SPG11: variants seen among roughly 807,000 people sequenced by gnomAD.
The protein encoded by SPG11 is spatacsin.
Under a neutral mutation model 274.0 loss-of-function variants are expected in SPG11, and 222 were observed. The ratio of observed to expected loss-of-function variants is 0.81; its 90% CI spans 0.73 to 0.91. The LOEUF (loss-of-function observed/expected upper bound fraction) is 0.91. Ranked by LOEUF, SPG11 falls within the 40% of genes least tolerant of loss-of-function variation. The pLI is 0.00. For missense variants in SPG11, 3,114 were observed against 2,872.7 expected (o/e 1.08, Z -1.92); for synonymous variants, 1,144 against 1,039.7 (o/e 1.10, Z -1.93).
In SPG11 at chr15:44,627,587, T is replaced by C. The variant is rs557089408; in HGVS notation, c.2068-1080A>G. On this transcript the variant is annotated intron_variant, in intron 10 of 39. Transcript: ENST00000261866. ...GGAGACAAAAAAGTAGAAGGAAAAG[T>C]AAGTAATTTTTTTTTTTTTTGAGAC... 2.6e-5 allele frequency among the ~76,000 whole-genome samples: 4 copies of C among 151,512 alleles called. No individual in the cohort carries two copies. The East Asian group carries it at 7.7e-4, about 29-fold the overall frequency.
At position 44,595,372 on chromosome 15, in the gene SPG11, C is replaced by A; in HGVS notation, c.4522G>T (p.Asp1508Tyr). 6.2e-7 allele frequency: 1 copy of A among 1,614,176 alleles called. No homozygotes were observed. The highest frequency in any genetic ancestry group is 8.5e-7 in the Non-Finnish European group (1 of 1,180,032). ...TTCCAGGTATGGTCCTCTGTTGAGT[C>A]CTGAATGTGTCCCATTGCTTCAGTT... Reference protein sequence around the residue: ...VATEAMGHIQDSTEDHTWNLE... With the variant: ...VATEAMGHIQYSTEDHTWNLE... The change falls in exon 26 of 40, where the codon GAC (aspartate) becomes TAC (tyrosine). Residue 1508 changes from aspartate (D) to tyrosine (Y), a missense_variant. Coordinates refer to ENST00000261866, the MANE Select transcript of SPG11 (RefSeq NM_025137.4).
chr15:44,662,546 T>G (rs1387771531), intron 1 of SPG11, among the ~76,000 whole-genome samples: 11 of 150,862 alleles, frequency 7.3e-5, no homozygotes, highest in Non-Finnish European at 1.6e-4. Flanking sequence ...TGCACGCCTG[T>G]AGTCGTAGCT....
intron 27 of SPG11, among the ~76,000 whole-genome samples, chr15:44,591,900 A>C (rs2082908081): frequency 2.0e-5 from 3 of 152,168 alleles, no homozygotes; most frequent in African/African-American, 7.2e-5. Flanking sequence ...ACTTGAGGTC[A>C]GGAGTTCAAG....
intron 11 of SPG11, 146 bp downstream of exon 11, chr15:44,626,183 CAG>C (rs1186928036): frequency 1.5e-6 from 1 of 679,972 alleles, no homozygotes; most frequent in Non-Finnish European, 2.3e-6. Context: ...CAGCCATTCT[CAG>C]TGTTATTAAT....
In SPG11 at chr15:44,624,772, T is replaced by C. The variant is rs372939133; in HGVS notation, c.2244+1559A>G. On this transcript the variant is annotated intron_variant, in intron 11 of 39. Transcript: ENST00000261866. ...TGTACATACATATCAAAACATCATATTGTATACCTTAAATACATGTAATTT... is the reference window on the plus strand; with the variant it reads ...TGTACATACATATCAAAACATCATACTGTATACCTTAAATACATGTAATTT... 1.2e-3 allele frequency among the ~76,000 whole-genome samples: 182 copies of C among 152,330 alleles called. 3 individuals carry two copies. Among genetic ancestry groups the C allele is most frequent in the East Asian group, 8.3e-3 (43 of 5,196 alleles).
chr15:44,565,142 C>A (rs148536926), intron 38 of SPG11, among the ~76,000 whole-genome samples: 1 of 152,318 alleles, frequency 6.6e-6, no homozygotes, highest in Non-Finnish European at 1.5e-5. Context: ...CCCTGATAAT[C>A]CACTTCTTTA....
chr15:44,584,703 C>G, intron 29 of SPG11, 145 bp from the exon 30 acceptor site: 1 of 976,490 alleles, frequency 1.0e-6, no homozygotes, highest in South Asian at 1.4e-5. Context: ...GATCACAGCA[C>G]ACTGCAGCCT....
chr15:44,655,269 A>G (rs1395104775), intron 4 of SPG11, among the ~76,000 whole-genome samples: 9 of 152,208 alleles, frequency 5.9e-5, no homozygotes, highest in Admixed American at 1.3e-4. Context: ...CTCTAAAATA[A>G]TAACAACATA....
intron 6 of SPG11, among the ~76,000 whole-genome samples, chr15:44,650,542 T>G (rs1441591055): frequency 2.7e-5 from 4 of 150,264 alleles, no homozygotes; most frequent in Admixed American, 6.6e-5. Context: ...TGGTCCCAGC[T>G]ACTCTGGAGG....
chr15:44,602,845 TC>T, intron 20 of SPG11, among the ~76,000 whole-genome samples: 1 of 152,244 alleles, frequency 6.6e-6, no homozygotes. Context: ...TGTTGAACCA[TC>T]CTGGTTTTAA....
chr15:44,661,729 T>C (rs2085114167), intron 1 of SPG11, among the ~76,000 whole-genome samples: 1 of 152,118 alleles, frequency 6.6e-6, no homozygotes, highest in South Asian at 2.1e-4. Context: ...AGTACATCAT[T>C]AGCATAGGGA....
In SPG11 at chr15:44,660,424, A is replaced by T; in HGVS notation, c.442+8T>A. 4 of 1,612,096 alleles carry T rather than the reference A, an allele frequency of 2.5e-6. No homozygotes were observed. The highest frequency in any genetic ancestry group is 3.4e-6 in the Non-Finnish European group (4 of 1,178,686). On this transcript the variant is annotated splice_region_variant and intron_variant, in intron 2 of 39. Transcript: ENST00000261866. Reference sequence around the variant, plus strand: ...AAATATGCTGAAAGACCACCTGTAGATACTTACTGATATCTTGATCGTCAA... The same window carrying T: ...AAATATGCTGAAAGACCACCTGTAGTTACTTACTGATATCTTGATCGTCAA...
chr15:44,567,724 C>G lies in SPG11; in HGVS notation c.6586-132G>C, dbSNP rs1248001475. On this transcript the variant is annotated intron_variant, in intron 35 of 39. Coordinates refer to ENST00000261866, the MANE Select transcript of SPG11 (RefSeq NM_025137.4). ...AGAGGAGCAAAAATGAGAATAAATA[C>G]AAGTTTTATGCTGTCCCAAGTATGA... The G allele has an allele frequency of 9.7e-6, 9 of 924,366 alleles. No homozygotes were observed. The Admixed American group carries it at 1.8e-4, about 18-fold the overall frequency. 57.3% of individuals were successfully genotyped at this position (924,366 alleles called of 1,614,324 possible).
Position 44,663,446 on chromosome 15 carries a change from A to C in SPG11, c.202T>G (p.Leu68Val). The C allele has an allele frequency of 6.2e-7, 1 of 1,602,732 alleles. No homozygotes were observed. The highest frequency in any genetic ancestry group is 1.1e-5 in the South Asian group (1 of 89,464). Residue 68 changes from leucine (L) to valine (V), a missense_variant, in exon 1 of 40, where the codon TTG (leucine) becomes GTG (valine). Coordinates refer to ENST00000261866, the MANE Select transcript of SPG11 (RefSeq NM_025137.4). ...CCCCCGCCCCGGCTGCCAGGCGTCA[A>C]AGAAAGCACTTGGAGGCTGCCCGCA... ...TAAGSLQVLSLTPGSRGGGRC... is the reference protein window; with the variant it reads ...TAAGSLQVLSVTPGSRGGGRC...
At chr15:44,624,521 G>A (rs1430880762) in intron 11 of SPG11, among the ~76,000 whole-genome samples, 1 of 152,168 alleles carries the variant, frequency 6.6e-6, no homozygotes, top group East Asian at 1.9e-4. Context: ...ACCAAGGACT[G>A]TGGGGTAGGG....
intron 31 of SPG11, 80 bp from the exon 32 acceptor site, chr15:44,573,825 G>T: frequency 7.7e-7 from 1 of 1,298,384 alleles, no homozygotes; most frequent in Non-Finnish European, 1.1e-6. Flanking sequence ...AATCTGATGT[G>T]GACAGACTCC....
At chr15:44,597,189 C>A (rs2083068290) in intron 23 of SPG11, 1 of 374,834 alleles carries the variant, frequency 2.7e-6, no homozygotes, top group Admixed American at 3.8e-5. Flanking sequence ...TCTCAGCTCA[C>A]TGCAACCTCC....
At chr15:44,643,089 C>A (rs139786345) in intron 7 of SPG11, among the ~76,000 whole-genome samples, 2 of 152,220 alleles carry the variant, frequency 1.3e-5, no homozygotes, top group East Asian at 3.9e-4. Flanking sequence ...AGGGCCAAAG[C>A]AATGTTGTAT....
At chr15:44,574,408 G>A (rs1316852692) in intron 31 of SPG11, among the ~76,000 whole-genome samples, 2 of 152,130 alleles carry the variant, frequency 1.3e-5, no homozygotes, top group Admixed American at 6.5e-5. Flanking sequence ...AGAAGTCTTT[G>A]AGTCTTCTCC....
Sources: allele counts gnomAD v4.1 joint callset (sites outside exome capture counted in the v4.1 genomes callset), GRCh38; gene constraint gnomAD v4.1.1; transcripts MANE v1.5; gene names NCBI Gene and HGNC (gene_info 2026-07-23, HGNC 2026-07-21).